CNTN4: variants seen among roughly 807,000 people sequenced by gnomAD.
The protein encoded by CNTN4 is contactin-4.
A neutral mutation model predicts 122.5 loss-of-function variants in CNTN4; 77 were observed. The observed-to-expected ratio is 0.63, with a 90% CI of 0.52 to 0.76. The LOEUF (loss-of-function observed/expected upper bound fraction) is 0.76. Among genes scored for constraint, CNTN4 ranks in the 30% least tolerant of loss-of-function variants. The pLI, the probability that CNTN4 is intolerant of heterozygous loss-of-function variation, is 0.00. For synonymous variants in CNTN4, 512 were observed against 447.0 expected, an observed-to-expected ratio of 1.15 and a Z score of -1.83; for missense variants, 1,256 against 1,259.1, an observed-to-expected ratio of 1.00 and a Z score of 0.04.
chr3:2,151,494 A>G lies in CNTN4; in HGVS notation c.-145+50855A>G, dbSNP rs193106390. Among the ~76,000 whole-genome samples, 15 of 152,192 alleles carry G rather than the reference A, an allele frequency of 9.9e-5. No homozygotes were observed. In the East Asian group the frequency reaches 1.7e-3, roughly 18 times the overall value. On this transcript the variant is annotated intron_variant, in intron 2 of 24. Transcript: ENST00000418658. ...ACTGAACACATTTCTGTAGCCTTCT[A>G]TGTTCCAGGTGCTATCCAAGGTGCT...
chr3:2,642,057 C>A (rs908476384), intron 4 of CNTN4, among the ~76,000 whole-genome samples: 1 of 152,164 alleles, frequency 6.6e-6, no homozygotes, highest in African/African-American at 2.4e-5. Context: ...GGAGCACTAA[C>A]TCACATGATC....
intron 6 of CNTN4, among the ~76,000 whole-genome samples, chr3:2,786,465 C>G (rs1179130127): frequency 6.6e-6 from 1 of 152,220 alleles, no homozygotes; most frequent in Non-Finnish European, 1.5e-5. Flanking sequence ...CTCCCTCACC[C>G]TCAACGGGTT....
At chr3:2,100,307 C>T (rs80080261) in intron 1 of CNTN4, among the ~76,000 whole-genome samples, 10,347 of 152,288 alleles carry the variant, frequency 0.068, 638 homozygotes, top group Admixed American at 0.19. Context: ...GAAGCTCTTT[C>T]AATTTTCTGT....
chr3:2,481,087 CTCTT>C (rs758374873), intron 3 of CNTN4, among the ~76,000 whole-genome samples: 306 of 69,690 alleles, frequency 4.4e-3, no homozygotes, highest in African/African-American at 0.013. Context: ...CTCTCTTTCT[CTCTT>C]TCTTTCTTTC....
intron 4 of CNTN4, among the ~76,000 whole-genome samples, chr3:2,728,899 G>A (rs2088434627): frequency 6.6e-6 from 1 of 152,180 alleles, no homozygotes; most frequent in African/African-American, 2.4e-5. Flanking sequence ...GATGTCATGG[G>A]AAGATTGACT....
chr3:2,876,465 G>C (rs2093846114), intron 8 of CNTN4, among the ~76,000 whole-genome samples: 1 of 151,954 alleles, frequency 6.6e-6, no homozygotes, highest in South Asian at 2.1e-4. Context: ...AACAATTTTT[G>C]CCTTTTTTTT....
intron 22 of CNTN4, 124 bp downstream of exon 22, chr3:3,043,287 C>A: frequency 1.0e-6 from 1 of 987,346 alleles, no homozygotes; most frequent in Non-Finnish European, 1.6e-6. Context: ...TCAAATTTCC[C>A]TCAGCATTTT....
At chr3:2,989,195 A>G (rs1182360284) in intron 14 of CNTN4, among the ~76,000 whole-genome samples, 1 of 152,170 alleles carries the variant, frequency 6.6e-6, no homozygotes, top group African/African-American at 2.4e-5. Flanking sequence ...CACTTTATAT[A>G]TTGCCCTGTC....
chr3:2,523,369 A>C lies in CNTN4; in HGVS notation c.-88-48047A>C, dbSNP rs1042272901. 2.9e-3 allele frequency among the ~76,000 whole-genome samples: 410 copies of C among 143,416 alleles called. 2 individuals carry two copies. The highest frequency in any genetic ancestry group is 8.7e-3 in the African/African-American group (354 of 40,530). The allele number at this position is 143,416 out of a possible 152,430, so 94.1% of individuals were successfully genotyped here. On this transcript the variant is annotated intron_variant, in intron 3 of 24. Transcript: ENST00000418658. Reference sequence around the variant, plus strand: ...AGCAAGAGACCTTAAAAAAAAAAAAAAAACAAAACTTTTTTCTATTTGTGA... The same window carrying C: ...AGCAAGAGACCTTAAAAAAAAAAAACAAACAAAACTTTTTTCTATTTGTGA...
intron 2 of CNTN4, among the ~76,000 whole-genome samples, chr3:2,243,207 C>T (rs2040010122): frequency 6.6e-6 from 1 of 152,122 alleles, no homozygotes; most frequent in Non-Finnish European, 1.5e-5. Context: ...TTTGTTAAGA[C>T]CTAGCTCTTT....
chr3:3,027,981 A>G (rs1259126412), intron 15 of CNTN4, among the ~76,000 whole-genome samples: 2 of 152,200 alleles, frequency 1.3e-5, no homozygotes, highest in Non-Finnish European at 2.9e-5. Flanking sequence ...TGAGAAATAC[A>G]TAGAAAATTA....
intron 2 of CNTN4, among the ~76,000 whole-genome samples, chr3:2,330,942 C>T (rs1002330662): frequency 1.3e-5 from 2 of 152,156 alleles, no homozygotes; most frequent in Non-Finnish European, 2.9e-5. Flanking sequence ...TTTTATATCA[C>T]ATCACATAAT....
rs546030054 is a variant in CNTN4, at chr3:2,294,799, G to A, written c.-144-44379G>A. 3.1e-4 allele frequency among the ~76,000 whole-genome samples: 47 copies of A among 152,126 alleles called. 1 individual carries two copies. Among genetic ancestry groups the A allele is most frequent in the African/African-American group, 1.1e-3 (45 of 41,502 alleles). On this transcript the variant is annotated intron_variant, in intron 2 of 24. Transcript: ENST00000418658. Reference sequence around the variant, plus strand: ...CCATTAACTCGTCATTTAGCATTAGGTATATCTCCTAATGCTATCCCTCCC... The same window carrying A: ...CCATTAACTCGTCATTTAGCATTAGATATATCTCCTAATGCTATCCCTCCC...
At chr3:2,926,314 AG>A (rs1255200926) in intron 13 of CNTN4, among the ~76,000 whole-genome samples, 7 of 152,176 alleles carry the variant, frequency 4.6e-5, no homozygotes, top group Non-Finnish European at 1.0e-4. Context: ...TTGAGAAAAC[AG>A]GTTTTTTTTC....
intron 11 of CNTN4, 53 bp from the exon 12 acceptor site, chr3:2,902,823 A>G (rs1185949514): frequency 1.3e-6 from 2 of 1,586,042 alleles, no homozygotes; most frequent in East Asian, 2.3e-5. Flanking sequence ...AAATTGCCTT[A>G]AAGTCTCAGT....
chr3:2,773,803 C>T (rs1016333542), intron 6 of CNTN4, among the ~76,000 whole-genome samples: 48 of 125,744 alleles, frequency 3.8e-4, no homozygotes, highest in African/African-American at 1.4e-3. Context: ...CTCTGTCTCC[C>T]AGGCTGGAGT....
chr3:2,606,305 A>C (rs549911497), intron 4 of CNTN4, among the ~76,000 whole-genome samples: 1 of 150,396 alleles, frequency 6.6e-6, no homozygotes, highest in Non-Finnish European at 1.5e-5. Flanking sequence ...TGACACAGGG[A>C]GGAGAACAAC....
intron 13 of CNTN4, among the ~76,000 whole-genome samples, chr3:2,941,461 G>A (rs1047707199): frequency 5.3e-5 from 8 of 152,210 alleles, no homozygotes; most frequent in African/African-American, 1.9e-4. Flanking sequence ...ACCTTAGTCA[G>A]TTATACACCA....
At chr3:2,685,940 C>G (rs555701743) in intron 4 of CNTN4, among the ~76,000 whole-genome samples, 4 of 152,260 alleles carry the variant, frequency 2.6e-5, no homozygotes, top group African/African-American at 9.6e-5. Flanking sequence ...ACAGACTAAA[C>G]TGATTTTTGT....
Sources: allele counts gnomAD v4.1 joint callset (sites outside exome capture counted in the v4.1 genomes callset), GRCh38; gene constraint gnomAD v4.1.1; transcripts MANE v1.5; gene names NCBI Gene and HGNC (gene_info 2026-07-23, HGNC 2026-07-21).